ANKLE2: variants seen among roughly 807,000 people sequenced by gnomAD.
The protein encoded by ANKLE2 is ankyrin repeat and LEM domain-containing protein 2.
ANKLE2 carries 55 observed loss-of-function variants against 84.2 expected under a neutral mutation model. The observed-to-expected ratio is 0.65, with a 90% CI of 0.53 to 0.82. The LOEUF (loss-of-function observed/expected upper bound fraction) is 0.82. Among genes scored for constraint, ANKLE2 ranks in the 40% least tolerant of loss-of-function variants. ANKLE2 has a pLI of 0.00. For synonymous variants in ANKLE2, 551 were observed against 486.1 expected (o/e 1.13, Z -1.76); for missense variants, 1,238 against 1,201.9 (o/e 1.03, Z -0.44).
rs749179890 is a variant in ANKLE2 at position 132,741,492 on chromosome 12, G to GA, written c.1354-8dup. Reference sequence around the variant, plus strand: ...TGCTTCTTTCACAAATTACCTATTGGAAAAAAAAGTGTGTCTAAATCTTAT... The same window carrying GA: ...TGCTTCTTTCACAAATTACCTATTGGAAAAAAAAAGTGTGTCTAAATCTTAT... On this transcript the variant is annotated splice_region_variant and splice_polypyrimidine_tract_variant and intron_variant, in intron 6 of 12. Coordinates refer to ENST00000357997, the MANE Select transcript of ANKLE2 (RefSeq NM_015114.3). 6.8e-6 allele frequency: 11 copies of GA among 1,610,912 alleles called. No individual in the cohort carries two copies. The highest frequency in any genetic ancestry group is 3.3e-5 in the South Asian group (3 of 90,648).
chr12:132,750,312 G>A (rs112497900), intron 3 of ANKLE2, among the ~76,000 whole-genome samples: 135 of 151,974 alleles, frequency 8.9e-4, no homozygotes, highest in African/African-American at 3.1e-3. Context: ...CTTAAGCCCA[G>A]GAGTTTGAGG....
At chr12:132,755,157 A>G (rs1204779143) in intron 1 of ANKLE2, 24 bp from the exon 2 acceptor site, 1 of 1,567,486 alleles carries the variant, frequency 6.4e-7, no homozygotes, top group Non-Finnish European at 8.6e-7. Flanking sequence ...AAAAAAATCA[A>G]AGAGTCACAA....
At position 132,726,154 on chromosome 12, in the gene ANKLE2, A is replaced by T. The variant is rs2043694896; in HGVS notation, c.*1088T>A. 6.5e-6 allele frequency: 1 copy of T among 152,728 alleles called. No homozygotes were observed. Among genetic ancestry groups the T allele is most frequent in the Non-Finnish European group, 1.5e-5 (1 of 68,220 alleles). The allele number at this position is 152,728 out of a possible 1,614,324, so 9.5% of individuals were successfully genotyped here. A position where few individuals can be genotyped will look rare whatever the true frequency, so the allele number is the denominator to read the frequency against. Reference sequence around the variant, plus strand: ...TTAAACACTGGAAATGTTCACAGAGAAACAACTGTGTGAGCAGTTGCCCGT... The same window carrying T: ...TTAAACACTGGAAATGTTCACAGAGTAACAACTGTGTGAGCAGTTGCCCGT... On this transcript the variant is annotated 3_prime_UTR_variant, in exon 13 of 13. Coordinates refer to ENST00000357997, the MANE Select transcript of ANKLE2 (RefSeq NM_015114.3).
Position 132,741,489 on chromosome 12 carries a change from T to G in ANKLE2, c.1354-4A>C. On this transcript the variant is annotated splice_polypyrimidine_tract_variant and splice_region_variant and intron_variant, in intron 6 of 12. Transcript: ENST00000357997. ...TTTTGCTTCTTTCACAAATTACCTA[T>G]TGGAAAAAAAAGTGTGTCTAAATCT... The G allele has an allele frequency of 1.9e-6, 3 of 1,613,730 alleles. No individual in the cohort carries two copies. The highest frequency in any genetic ancestry group is 2.5e-6 in the Non-Finnish European group (3 of 1,179,766).
intron 2 of ANKLE2, among the ~76,000 whole-genome samples, chr12:132,753,343 C>T (rs751611935): frequency 1.1e-4 from 16 of 151,634 alleles, no homozygotes; most frequent in Non-Finnish European, 2.1e-4. Flanking sequence ...CCACCAAAAA[C>T]AACCAATTAG....
Position 132,754,790 on chromosome 12 carries a change from G to A in ANKLE2, c.525C>T (p.Thr175=), listed in dbSNP as rs777387510. Residue 175 remains threonine (T), a synonymous_variant, in exon 2 of 13, where the codon ACC becomes ACT. Coordinates refer to ENST00000357997, the MANE Select transcript of ANKLE2 (RefSeq NM_015114.3). ...PPEEEAVTSK[T]CSVPPSDTDT... ...CGGTGTCACTAGGGGGCACCGAGCA[G>A]GTCTTGGATGTCACAGCTTCCTCCT... 3.7e-6 allele frequency: 6 copies of A among 1,614,110 alleles called. No homozygotes were observed. In the South Asian group the frequency reaches 5.5e-5, roughly 15 times the overall value.
intron 3 of ANKLE2, among the ~76,000 whole-genome samples, chr12:132,749,178 C>T (rs955978582): frequency 5.9e-5 from 9 of 151,748 alleles, no homozygotes; most frequent in African/African-American, 1.7e-4. Context: ...TTGGGGGGGA[C>T]GCAGTTTTGC....
chr12:132,758,754 CT>C (rs2044536950), intron 1 of ANKLE2: 1 of 152,286 alleles, frequency 6.6e-6, no homozygotes, highest in African/African-American at 2.4e-5. Context: ...AACTCCTGAC[CT>C]TGTGATCCAC....
chr12:132,752,570 C>T lies in ANKLE2; in HGVS notation c.641-1721G>A, dbSNP rs1005705928. Among the ~76,000 whole-genome samples the T allele has an allele frequency of 5.9e-5, 9 of 152,024 alleles. No individual in the cohort carries two copies. In the East Asian group the frequency reaches 1.2e-3, roughly 20 times the overall value. On this transcript the variant is annotated intron_variant, in intron 2 of 12. Transcript: ENST00000357997. The stretch of plus-strand genomic sequence containing the variant: ...ATTTTTAGTAAAGACGGGGCTTCAC[C>T]GTGTTAGCCAGGATGGTCTCGATCT...
intron 10 of ANKLE2, 188 bp downstream of exon 10, chr12:132,734,197 A>G (rs939252812): frequency 4.6e-6 from 3 of 655,938 alleles, no homozygotes; most frequent in South Asian, 1.8e-5. Context: ...GTGAGCCAAG[A>G]TTGCGCCACT....
chr12:132,758,428 T>C (rs1276081484), intron 1 of ANKLE2: 2 of 151,940 alleles, frequency 1.3e-5, no homozygotes, highest in Non-Finnish European at 2.9e-5. Context: ...CGCATTGAAA[T>C]TGGAAGTATC....
chr12:132,728,386 G>A (rs999754561), intron 11 of ANKLE2, among the ~76,000 whole-genome samples: 6 of 152,066 alleles, frequency 3.9e-5, no homozygotes, highest in Admixed American at 1.3e-4. Context: ...CTGCCACCAC[G>A]CCCGGCTAAT....
intron 1 of ANKLE2, chr12:132,760,623 A>G (rs946121750): frequency 6.6e-6 from 1 of 152,270 alleles, no homozygotes; most frequent in Non-Finnish European, 1.5e-5. Context: ...ATAAAGGATT[A>G]CAAAGAATAC....
At chr12:132,755,159 G>C in intron 1 of ANKLE2, 26 bp from the exon 2 acceptor site, 1 of 1,567,616 alleles carries the variant, frequency 6.4e-7, no homozygotes, top group Non-Finnish European at 8.6e-7. Context: ...AAAAATCAAA[G>C]AGTCACAAAA....
rs933810258 is a variant in ANKLE2 at position 132,725,561 on chromosome 12, C to A, written c.*1681G>T. ...GAAGGACATAACCCCCCGGGACACA[C>A]GAGAATGCCTCCGTTGGGACTGGAA... On this transcript the variant is annotated 3_prime_UTR_variant, in exon 13 of 13. Coordinates refer to ENST00000357997, the MANE Select transcript of ANKLE2 (RefSeq NM_015114.3). 4.6e-5 allele frequency: 7 copies of A among 152,190 alleles called. No homozygotes were observed. Among genetic ancestry groups the A allele is most frequent in the Non-Finnish European group, 7.3e-5 (5 of 68,048 alleles). 9.4% of individuals were successfully genotyped at this position (152,190 alleles called of 1,614,324 possible).
At chr12:132,733,633 T>C (rs993736777) in intron 10 of ANKLE2, among the ~76,000 whole-genome samples, 29 of 150,266 alleles carry the variant, frequency 1.9e-4, no homozygotes, top group Admixed American at 8.6e-4. Context: ...TGAAGCTCTC[T>C]GCGTCCTGGT....
rs1216536812 is a variant in ANKLE2, at chr12:132,737,071, G to A, written c.1421-6C>T. Reference sequence around the variant, plus strand: ...GAGGGGCACGTAGTAGTGGCCTGAGGGAGGAGACAGGCACTGGCTGCAGGC... The same window carrying A: ...GAGGGGCACGTAGTAGTGGCCTGAGAGAGGAGACAGGCACTGGCTGCAGGC... On this transcript the variant is annotated splice_polypyrimidine_tract_variant and splice_region_variant and intron_variant, in intron 7 of 12. Transcript: ENST00000357997. 1.3e-6 allele frequency: 2 copies of A among 1,584,928 alleles called. No homozygotes were observed. Among genetic ancestry groups the A allele is most frequent in the African/African-American group, 1.3e-5 (1 of 74,482 alleles).
chr12:132,732,971 A>T (rs12304569), intron 10 of ANKLE2, among the ~76,000 whole-genome samples: 2 of 75,354 alleles, frequency 2.7e-5, no homozygotes, highest in South Asian at 8.8e-4. Flanking sequence ...TGTCTGAAAT[A>T]CACTGTGTGA....
At chr12:132,754,069 C>T (rs1391084574) in intron 2 of ANKLE2, among the ~76,000 whole-genome samples, 1 of 151,522 alleles carries the variant, frequency 6.6e-6, no homozygotes, top group Admixed American at 6.6e-5. Context: ...GGTGAAACCC[C>T]GTCTCTACTA....
Sources: gnomAD v4.1 joint callset for allele counts (sites outside exome capture counted in the v4.1 genomes callset) on GRCh38, gnomAD v4.1.1 for gene constraint, MANE v1.5 for transcripts, NCBI Gene and HGNC (gene_info 2026-07-23, HGNC 2026-07-21) for gene names.